Variants in NME7 observed in about 807,000 individuals in gnomAD.
NME7 encodes NME/NM23 family member 7, also known as nucleoside diphosphate kinase 7.
In NME7, 41 loss-of-function variants were observed where a neutral mutation model predicts 49.1. That is an observed-to-expected ratio of 0.83 (90% CI 0.65 to 1.08). NME7 has a LOEUF of 1.08. Among genes scored for constraint, NME7 ranks in the 50% least tolerant of loss-of-function variants. NME7 has a pLI of 0.00. For synonymous variants in NME7, 139 were observed against 150.6 expected (o/e 0.92, Z 0.56); for missense variants, 423 against 463.4 (o/e 0.91, Z 0.80).
intron 11 of NME7, among the ~76,000 whole-genome samples, chr1:169,161,862 CA>C (rs1413182490): frequency 1.3e-5 from 2 of 152,310 alleles, no homozygotes; most frequent in Admixed American, 6.5e-5. Flanking sequence ...CTTTACTGCT[CA>C]GGGGTCATGT....
intron 7 of NME7, among the ~76,000 whole-genome samples, chr1:169,238,201 T>A (rs1369172439): frequency 3.3e-5 from 5 of 151,664 alleles, no homozygotes; most frequent in African/African-American, 1.2e-4. Context: ...AAGGCACACA[T>A]CTGGGAAAGT....
intron 7 of NME7, among the ~76,000 whole-genome samples, chr1:169,239,215 G>A (rs1218271061): frequency 6.6e-6 from 1 of 151,864 alleles, no homozygotes; most frequent in Non-Finnish European, 1.5e-5. Context: ...AATAGCAAAA[G>A]CTTTTGAAAT....
chr1:169,285,861 G>C (rs1650258595), intron 7 of NME7: 1 of 152,084 alleles, frequency 6.6e-6, no homozygotes, highest in African/African-American at 2.4e-5. Flanking sequence ...TAATTATGCA[G>C]CAAGATCTTT....
At chr1:169,204,733 C>T (rs901705881) in intron 10 of NME7, among the ~76,000 whole-genome samples, 2 of 152,038 alleles carry the variant, frequency 1.3e-5, no homozygotes, top group African/African-American at 4.8e-5. Flanking sequence ...TGTCTGTAAA[C>T]TTATCTTTTC....
At chr1:169,138,570 T>C (rs1658499025) in intron 11 of NME7, among the ~76,000 whole-genome samples, 1 of 151,748 alleles carries the variant, frequency 6.6e-6, no homozygotes, top group Non-Finnish European at 1.5e-5. Flanking sequence ...ACAAAAAAAA[T>C]TAGCTGGGTG....
chr1:169,312,648 A>G (rs1485558662), intron 3 of NME7, among the ~76,000 whole-genome samples: 1 of 152,236 alleles, frequency 6.6e-6, no homozygotes, highest in Non-Finnish European at 1.5e-5. Flanking sequence ...CTATGCAATA[A>G]ATGTCTTCAT....
intron 1 of NME7, among the ~76,000 whole-genome samples, chr1:169,358,086 T>A (rs1653524750): frequency 6.6e-6 from 1 of 152,024 alleles, no homozygotes; most frequent in Non-Finnish European, 1.5e-5. Context: ...GAATTTAATA[T>A]ATAAAAGTAA....
chr1:169,359,117 C>A (rs1450325002), intron 1 of NME7, among the ~76,000 whole-genome samples: 2 of 152,064 alleles, frequency 1.3e-5, no homozygotes, highest in African/African-American at 4.8e-5. Flanking sequence ...ACGCTCAAGT[C>A]CCTTACATAC....
intron 10 of NME7, among the ~76,000 whole-genome samples, chr1:169,179,048 T>C (rs559044765): frequency 1.3e-5 from 2 of 152,270 alleles, no homozygotes; most frequent in Admixed American, 1.3e-4. Flanking sequence ...CTCAAACTCC[T>C]GACTTCAGAT....
intron 10 of NME7, among the ~76,000 whole-genome samples, chr1:169,210,883 C>T (rs969935143): frequency 6.6e-6 from 1 of 152,074 alleles, no homozygotes; most frequent in Non-Finnish European, 1.5e-5. Flanking sequence ...GGCTTCCTTC[C>T]CCTTTGTTTG....
intron 10 of NME7, among the ~76,000 whole-genome samples, chr1:169,192,121 AG>A (rs1660247701): frequency 6.6e-6 from 1 of 152,242 alleles, no homozygotes. Flanking sequence ...TTCCTAGACT[AG>A]GAAGTAAATA....
chr1:169,244,117 C>A (rs1648207857), intron 7 of NME7, among the ~76,000 whole-genome samples: 1 of 151,868 alleles, frequency 6.6e-6, no homozygotes, highest in Admixed American at 6.6e-5. Flanking sequence ...TGAATATATA[C>A]TATAAAATCT....
chr1:169,299,489 A>G (rs945018623), intron 5 of NME7, among the ~76,000 whole-genome samples: 2 of 152,162 alleles, frequency 1.3e-5, no homozygotes, highest in African/African-American at 4.8e-5. Flanking sequence ...TAACTATGAA[A>G]TAAGTGACAT....
intron 10 of NME7, among the ~76,000 whole-genome samples, chr1:169,200,907 C>T (rs1333733180): frequency 2.0e-5 from 3 of 152,130 alleles, no homozygotes; most frequent in African/African-American, 7.2e-5. Flanking sequence ...GCCTCACCAT[C>T]CCTGAATGAT....
chr1:169,237,385 C>T (rs1256127567), intron 8 of NME7, among the ~76,000 whole-genome samples: 1 of 151,962 alleles, frequency 6.6e-6, no homozygotes, highest in African/African-American at 2.4e-5. Context: ...TATAAACTTA[C>T]CTTATAAGCT....
intron 10 of NME7, among the ~76,000 whole-genome samples, chr1:169,213,308 T>C (rs2101796505): frequency 6.6e-6 from 1 of 152,226 alleles, no homozygotes; most frequent in East Asian, 1.9e-4. Flanking sequence ...ACCAAGTCAG[T>C]GTTCATGGTA....
chr1:169,250,191 G>A (rs1304712720), intron 7 of NME7, among the ~76,000 whole-genome samples: 1 of 151,756 alleles, frequency 6.6e-6, no homozygotes, highest in East Asian at 1.9e-4. Flanking sequence ...TTTCTTCCTG[G>A]CTTAATCTAG....
At chr1:169,275,209 A>C (rs1425828288) in intron 7 of NME7, among the ~76,000 whole-genome samples, 1 of 131,362 alleles carries the variant, frequency 7.6e-6, no homozygotes, top group Non-Finnish European at 1.8e-5. Context: ...ATTCCTACGT[A>C]TTTTATTCTC....
chr1:169,311,056 A>G (rs1316077537), intron 3 of NME7, among the ~76,000 whole-genome samples: 10 of 152,170 alleles, frequency 6.6e-5, no homozygotes. Context: ...GAATCCATAA[A>G]AGGAGAAAGG....
Sources: gnomAD v4.1 joint callset for allele counts (sites outside exome capture counted in the v4.1 genomes callset) on GRCh38, gnomAD v4.1.1 for gene constraint, MANE v1.5 for transcripts, NCBI Gene and HGNC (gene_info 2026-07-23, HGNC 2026-07-21) for gene names.